The following LPIN1 variants were observed in gnomAD, a reference collection of about 807,000 sequenced individuals.
LPIN1 encodes lipin 1.
Under a neutral mutation model 107.5 loss-of-function variants are expected in LPIN1, and 71 were observed. The observed-to-expected ratio is 0.66, with a 90% CI of 0.55 to 0.80. LPIN1 has a LOEUF of 0.80. Among genes scored for constraint, LPIN1 ranks in the 30% least tolerant of loss-of-function variants. The probability of loss-of-function intolerance (pLI) is 0.00; values close to 1 mark genes in which losing one functional copy is unlikely to be tolerated. For missense variants in LPIN1, 1,043 were observed against 1,160.6 expected (o/e 0.90, Z 1.47); for synonymous variants, 445 against 452.6 (o/e 0.98, Z 0.21).
intron 1 of LPIN1, among the ~76,000 whole-genome samples, chr2:11,761,898 G>T (rs756885759): frequency 6.6e-6 from 1 of 152,040 alleles, no homozygotes; most frequent in Non-Finnish European, 1.5e-5. Flanking sequence ...TCTCTTGCAC[G>T]CCAAGCAGTT....
rs1192340711 is a variant in LPIN1 at position 11,677,715 on chromosome 2, C to A, written c.68C>A (p.Ser23Ter). The stretch of plus-strand genomic sequence containing the variant: ...TCGCAGGGCAAGAGCTCCCCAGACT[C>A]GGCTTGGTCATGGGTAAGGGCCGGC... Residue 23 changes from serine (S) to a stop codon, truncating the protein, a stop_gained, in exon 1 of 22, where the codon TCG (serine) becomes TAG (stop). Transcript: ENST00000449576. LOFTEE classifies it high-confidence loss of function. 18 of 1,535,598 alleles carry A rather than the reference C, an allele frequency of 1.2e-5. No homozygotes were observed. The highest frequency in any genetic ancestry group is 2.0e-5 in the Admixed American group (1 of 50,988).
chr2:11,746,417 A>G (rs1324994820), upstream of LPIN1, among the ~76,000 whole-genome samples: 3 of 152,190 alleles, frequency 2.0e-5, no homozygotes, highest in Non-Finnish European at 2.9e-5. Context: ...AAGGAAAATC[A>G]GAAAGGCGGC....
intron 1 of LPIN1, among the ~76,000 whole-genome samples, chr2:11,730,892 C>A (rs1001142347): frequency 6.6e-6 from 1 of 152,180 alleles, no homozygotes; most frequent in Admixed American, 6.5e-5. Context: ...GCATGTCACT[C>A]TCCTGTTCTG....
In LPIN1 at chr2:11,792,140, A is replaced by ACGAAG. The variant is rs1317291375; in HGVS notation, c.1806+134_1806+135insCGAAG. ...TGAGTTTCCATGAGCCAGCTCTGCCATGAAGTAGGGCGAGTGCTCGTGGAA... is the reference window on the plus strand; with the variant it reads ...TGAGTTTCCATGAGCCAGCTCTGCCACGAAGTGAAGTAGGGCGAGTGCTCGTGGAA... On this transcript the variant is annotated intron_variant, in intron 13 of 20. Transcript: ENST00000674199. The ACGAAG allele has an allele frequency of 1.9e-5, 15 of 787,290 alleles. No individual in the cohort carries two copies. In the African/African-American group the frequency reaches 2.4e-4, roughly 13 times the overall value. 48.8% of individuals were successfully genotyped at this position (787,290 alleles called of 1,614,324 possible). A position where few individuals can be genotyped will look rare whatever the true frequency, so the allele number is the denominator to read the frequency against.
At chr2:11,810,751 G>A (rs936593699) in intron 17 of LPIN1, among the ~76,000 whole-genome samples, 23 of 152,204 alleles carry the variant, frequency 1.5e-4, no homozygotes, top group Non-Finnish European at 2.9e-4. Flanking sequence ...AGGTGGCATC[G>A]TGGGGGCCTC....
At chr2:11,750,519 C>T (rs969276566) in intron 1 of LPIN1, among the ~76,000 whole-genome samples, 3 of 152,196 alleles carry the variant, frequency 2.0e-5, no homozygotes, top group Non-Finnish European at 4.4e-5. Context: ...TGGCAAGAGA[C>T]GTTATTCAAA....
intron 1 of LPIN1, among the ~76,000 whole-genome samples, chr2:11,727,085 G>A (rs1161640682): frequency 2.0e-5 from 3 of 152,124 alleles, no homozygotes; most frequent in African/African-American, 4.8e-5. Context: ...CCTTTTAATC[G>A]CTAGAAATGT....
intron 1 of LPIN1, among the ~76,000 whole-genome samples, chr2:11,708,530 C>T (rs1663240437): frequency 6.6e-6 from 1 of 152,156 alleles, no homozygotes; most frequent in African/African-American, 2.4e-5. Context: ...CAGGGCCATG[C>T]ATGCCAGACC....
intron 15 of LPIN1, among the ~76,000 whole-genome samples, chr2:11,804,135 G>T (rs1364186224): frequency 2.0e-5 from 3 of 152,114 alleles, no homozygotes; most frequent in Non-Finnish European, 2.9e-5. Context: ...ACTGTAATCT[G>T]AAAATACTTG....
chr2:11,716,970 G>T (rs1271762722), intron 2 of LPIN1, among the ~76,000 whole-genome samples: 1 of 152,032 alleles, frequency 6.6e-6, no homozygotes, highest in East Asian at 1.9e-4. Flanking sequence ...GCTTATCCTG[G>T]CCCAGTTACT....
chr2:11,792,587 T>A lies in LPIN1; in HGVS notation c.1806+581T>A, dbSNP rs570746520. On this transcript the variant is annotated intron_variant, in intron 13 of 20. Transcript: ENST00000674199. ...TAGTGGAGACGGGGTTTTGCCATGT[T>A]GCCCAGGCTGGTCTCAAACTCCTGG... 1.7e-3 allele frequency among the ~76,000 whole-genome samples: 262 copies of A among 152,264 alleles called. 1 individual carries two copies. Among genetic ancestry groups the A allele is most frequent in the African/African-American group, 6.1e-3 (254 of 41,548 alleles).
intron 1 of LPIN1, among the ~76,000 whole-genome samples, chr2:11,752,716 C>T (rs1434623278): frequency 6.6e-6 from 1 of 152,020 alleles, no homozygotes; most frequent in Non-Finnish European, 1.5e-5. Context: ...CAGGCGTGAG[C>T]CACCGCGCCC....
intron 1 of LPIN1, chr2:11,713,719 T>C: frequency 7.9e-7 from 1 of 1,269,908 alleles, no homozygotes; most frequent in East Asian, 2.5e-5. Flanking sequence ...TTCCAGAACA[T>C]TTCTATTAAT....
At chr2:11,776,250 C>A in intron 6 of LPIN1, 57 bp downstream of exon 6, 2 of 1,110,610 alleles carry the variant, frequency 1.8e-6, no homozygotes, top group Non-Finnish European at 1.3e-6. Context: ...TTTGATCTAA[C>A]TCTTACTATA....
chr2:11,756,090 G>T (rs1458579161), intron 1 of LPIN1, among the ~76,000 whole-genome samples: 1 of 152,198 alleles, frequency 6.6e-6, no homozygotes, highest in Non-Finnish European at 1.5e-5. Flanking sequence ...AACGGGGATT[G>T]TAAGAGTACA....
At chr2:11,759,771 C>A (rs1315471847) in intron 1 of LPIN1, among the ~76,000 whole-genome samples, 1 of 140,072 alleles carries the variant, frequency 7.1e-6, no homozygotes, top group Admixed American at 7.1e-5. Context: ...GCAGAGGCGC[C>A]CCCCACCTCC....
intron 1 of LPIN1, among the ~76,000 whole-genome samples, chr2:11,729,392 A>G (rs1009613607): frequency 5.3e-5 from 8 of 152,260 alleles, no homozygotes; most frequent in Admixed American, 6.5e-5. Flanking sequence ...AAGACCTTAC[A>G]ATCATATATT....
chr2:11,811,961 GT>G (rs1193962979), intron 17 of LPIN1, among the ~76,000 whole-genome samples: 1 of 152,086 alleles, frequency 6.6e-6, no homozygotes, highest in East Asian at 1.9e-4. Flanking sequence ...CTCCAGCCTG[GT>G]GACACAGCGA....
rs1663544843 is a variant in LPIN1 at position 11,713,619 on chromosome 2, A to G, written c.82-137A>G. On this transcript the variant is annotated intron_variant, in intron 1 of 21. Transcript: ENST00000449576. ...TTTTTTTTTAATTGGCATATAGCCT[A>G]CATACCACCGAATTCACCATGTTCA... 9 of 585,026 alleles carry G rather than the reference A, an allele frequency of 1.5e-5. No homozygotes were observed. In the East Asian group the frequency reaches 2.5e-4, roughly 16 times the overall value. The allele number at this position is 585,026 out of a possible 1,614,324, so 36.2% of individuals were successfully genotyped here. A position where few individuals can be genotyped will look rare whatever the true frequency, so the allele number is the denominator to read the frequency against.
Sources: allele counts gnomAD v4.1 joint callset (sites outside exome capture counted in the v4.1 genomes callset), GRCh38; gene constraint gnomAD v4.1.1; transcripts MANE v1.5; gene names NCBI Gene and HGNC (gene_info 2026-07-23, HGNC 2026-07-21).